Variants in TPM4 observed in about 807,000 individuals in gnomAD.
The protein encoded by TPM4 is tropomyosin alpha-4 chain.
A neutral mutation model predicts 35.8 loss-of-function variants in TPM4; 17 were observed. That is an observed-to-expected ratio of 0.47 (90% CI 0.32 to 0.71). The LOEUF (loss-of-function observed/expected upper bound fraction) is 0.71, where lower values mean the gene tolerates loss of function less well. TPM4 is among the 30% of genes least tolerant of loss of function. The probability of loss-of-function intolerance (pLI) is 0.03; values close to 1 mark genes in which losing one functional copy is unlikely to be tolerated. For missense variants in TPM4, 240 were observed against 320.9 expected (o/e 0.75, Z 1.93); for synonymous variants, 120 against 122.9 (o/e 0.98, Z 0.15).
chr19:16,095,635 C>G, intron 7 of TPM4: 26 of 997,776 alleles, frequency 2.6e-5, no homozygotes, highest in Non-Finnish European at 3.0e-5. Flanking sequence ...AAGCTTATTA[C>G]AAAAAGAAAA....
At chr19:16,095,746 A>T (rs1599383631) in intron 7 of TPM4, 3 of 307,316 alleles carry the variant, frequency 9.8e-6, no homozygotes, top group Admixed American at 6.5e-5. Context: ...CATGCCAATA[A>T]TTTTTTTTTG....
chr19:16,068,286 T>C (rs1370750318), intron 2 of TPM4, among the ~76,000 whole-genome samples: 1 of 152,096 alleles, frequency 6.6e-6, no homozygotes, highest in East Asian at 1.9e-4. Flanking sequence ...CAGGCGATTC[T>C]CCTGCCTCAG....
At chr19:16,071,308 C>A (rs1191762974) in intron 2 of TPM4, among the ~76,000 whole-genome samples, 6 of 152,192 alleles carry the variant, frequency 3.9e-5, no homozygotes, top group Non-Finnish European at 8.8e-5. Context: ...GCGATCCTCC[C>A]ACCTCAGCCT....
Position 16,096,936 on chromosome 19 carries a change from C to CTTTTTTTTTTTT in TPM4, c.664+3206_664+3217dup, listed in dbSNP as rs71178641. ...GGAATATGGAGAAAACAAGGTCACT[C>CTTTTTTTTTTTT]TTTTTTTTTTTTTTTTTTTTTTTTT... On this transcript the variant is annotated intron_variant, in intron 7 of 7. Transcript: ENST00000643579. Among the ~76,000 whole-genome samples, 8 of 69,052 alleles carry CTTTTTTTTTTTT rather than the reference C, an allele frequency of 1.2e-4. 1 individual carries two copies. Among genetic ancestry groups the CTTTTTTTTTTTT allele is most frequent in the African/African-American group, 2.8e-4 (5 of 18,024 alleles). 45.3% of individuals were successfully genotyped at this position (69,052 alleles called of 152,430 possible).
In TPM4 at chr19:16,078,228, T is replaced by TA. The variant is rs2090436714; in HGVS notation, c.132+1532dup. On this transcript the variant is annotated intron_variant, in intron 1 of 7. Transcript: ENST00000643579. ...CCAAAATGGAGGTTGAGCTGGGTCTTATAGAATAAATAAGTTTGCTGGGAC... is the reference window on the plus strand; with the variant it reads ...CCAAAATGGAGGTTGAGCTGGGTCTTAATAGAATAAATAAGTTTGCTGGGAC... The TA allele has an allele frequency of 7.5e-6, 3 of 398,310 alleles. No individual in the cohort carries two copies. In the East Asian group the frequency reaches 1.1e-4, roughly 14 times the overall value. 24.7% of individuals were successfully genotyped at this position (398,310 alleles called of 1,614,324 possible).
intron 2 of TPM4, among the ~76,000 whole-genome samples, chr19:16,084,027 C>T (rs372641065): frequency 6.6e-6 from 1 of 152,050 alleles, no homozygotes; most frequent in Non-Finnish European, 1.5e-5. Flanking sequence ...CCTGGGTTCA[C>T]GACATTCTCC....
At chr19:16,086,659 C>A in intron 3 of TPM4, 119 bp downstream of exon 3, 3 of 770,536 alleles carry the variant, frequency 3.9e-6, no homozygotes, top group Non-Finnish European at 6.4e-6. Flanking sequence ...TGTCCTCCTG[C>A]GTGAACATAT....
chr19:16,070,131 G>C lies in TPM4; in HGVS notation c.114+2393G>C, dbSNP rs1234692648. 6.6e-6 allele frequency among the ~76,000 whole-genome samples: 1 copy of C among 152,154 alleles called. No homozygotes were observed. Among genetic ancestry groups the C allele is most frequent in the Non-Finnish European group, 1.5e-5 (1 of 68,000 alleles). On this transcript the variant is annotated intron_variant, in intron 2 of 2. Coordinates refer to the TPM4 transcript ENST00000589897. The surrounding 1 kb of genome is among the most constrained non-coding windows in gnomAD (Gnocchi z 7.4). Reference sequence around the variant, plus strand: ...GTATGTGGGGGTGTCCCTGCTAAAAGCCTGGAGGCCGGGGCAGGTGGGCTG... The same window carrying C: ...GTATGTGGGGGTGTCCCTGCTAAAACCCTGGAGGCCGGGGCAGGTGGGCTG...
Position 16,070,836 on chromosome 19 carries a change from T to C in TPM4, c.114+3098T>C, listed in dbSNP as rs1420239502. On this transcript the variant is annotated intron_variant, in intron 2 of 2. Transcript: ENST00000589897. This position sits in a 1 kb window ranked among gnomAD's most constrained non-coding sequence, Gnocchi z 7.4. ...CACCCCAGTGTTCCCTGCCACAAGC[T>C]CTCTCCGCCTTCTCTGTGCCCCTCC... is the stretch of plus-strand genomic sequence containing the variant. 6.6e-6 allele frequency among the ~76,000 whole-genome samples: 1 copy of C among 150,612 alleles called. No homozygotes were observed. The highest frequency in any genetic ancestry group is 2.0e-4 in the East Asian group (1 of 5,074).
Position 16,081,944 on chromosome 19 carries a change from G to A in TPM4, c.164G>A (p.Arg55His), listed in dbSNP as rs747009494. ...AEGDVAALNR[R>H]IQLVEEELDR... Reference sequence around the variant, plus strand: ...GGTGATGTGGCCGCCCTCAACCGACGCATCCAGCTCGTTGAGGAGGAGTTG... The same window carrying A: ...GGTGATGTGGCCGCCCTCAACCGACACATCCAGCTCGTTGAGGAGGAGTTG... Residue 55 changes from arginine to histidine, a missense_variant, in exon 2 of 8, where the codon CGC becomes CAC. Transcript: ENST00000643579. 25 of 1,604,616 alleles carry A rather than the reference G, an allele frequency of 1.6e-5. No individual in the cohort carries two copies. Among genetic ancestry groups the A allele is most frequent in the Non-Finnish European group, 2.0e-5 (23 of 1,172,358 alleles).
rs189267893 is a variant in TPM4 at position 16,080,791 on chromosome 19, G to A, written c.133-1122G>A. ...GCCATTGCACTCCAGCCTTGGTGAC[G>A]GCGCAAGACTCCATCTCAAAAAAAA... On this transcript the variant is annotated intron_variant, in intron 1 of 7. Coordinates refer to ENST00000643579, the MANE Select transcript of TPM4 (RefSeq NM_003290.3). The A allele has an allele frequency of 1.2e-3, 416 of 345,682 alleles. 1 individual carries two copies. The highest frequency in any genetic ancestry group is 1.8e-3 in the Non-Finnish European group (341 of 192,452). The allele number at this position is 345,682 out of a possible 1,614,324, so 21.4% of individuals were successfully genotyped here. A position where few individuals can be genotyped will look rare whatever the true frequency, so the allele number is the denominator to read the frequency against.
At chr19:16,086,611 A>T in intron 3 of TPM4, 71 bp downstream of exon 3, 1 of 1,315,390 alleles carries the variant, frequency 7.6e-7, no homozygotes, top group Non-Finnish European at 1.1e-6. Flanking sequence ...TAGGGAGGAC[A>T]CCGGGGCCAA....
chr19:16,076,476 G>A (rs1047370676), upstream of TPM4: 10 of 1,333,128 alleles, frequency 7.5e-6, no homozygotes, highest in African/African-American at 6.2e-5. Flanking sequence ...GCAAAGGCTT[G>A]GGGGGCCGGG....
intron 2 of TPM4, 113 bp from the exon 3 acceptor site, chr19:16,086,310 A>G (rs1313391231): frequency 2.2e-6 from 2 of 928,446 alleles, no homozygotes; most frequent in Non-Finnish European, 3.4e-6. Context: ...AGATCGTGCC[A>G]CTGCACTCCA....
chr19:16,094,387 T>A (rs1181590085), intron 7 of TPM4, among the ~76,000 whole-genome samples: 1 of 151,540 alleles, frequency 6.6e-6, no homozygotes, highest in East Asian at 1.9e-4. Flanking sequence ...TAGAAAAAAT[T>A]AGCCAGGCGT....
chr19:16,087,671 A>G (rs1434413471), intron 3 of TPM4, among the ~76,000 whole-genome samples: 3 of 152,316 alleles, frequency 2.0e-5, no homozygotes, highest in South Asian at 4.1e-4. Context: ...TCAGGAGGTC[A>G]GGAATTCGAG....
chr19:16,068,581 T>C (rs2090321351), intron 2 of TPM4, among the ~76,000 whole-genome samples: 2 of 152,188 alleles, frequency 1.3e-5, no homozygotes, highest in African/African-American at 2.4e-5. Flanking sequence ...TGTACATGTA[T>C]TGTGTATGTT....
In TPM4 at chr19:16,067,945, A is replaced by G. The variant is rs764040508; in HGVS notation, c.114+207A>G. On this transcript the variant is annotated intron_variant, in intron 2 of 2. Coordinates refer to the TPM4 transcript ENST00000589897. The surrounding 1 kb of genome is among the most constrained non-coding windows in gnomAD (Gnocchi z 4.1). ...GGTGACGATCGGACCCACCCCCAGC[A>G]GGGCCAGTGCGAACAAAGTGAGTTT... 1.3e-5 allele frequency: 7 copies of G among 524,686 alleles called. No individual in the cohort carries two copies. The highest frequency in any genetic ancestry group is 2.0e-5 in the Non-Finnish European group (6 of 300,398). The allele number at this position is 524,686 out of a possible 1,614,324, so 32.5% of individuals were successfully genotyped here.
chr19:16,084,300 C>T (rs1241466239), intron 2 of TPM4, among the ~76,000 whole-genome samples: 1 of 152,232 alleles, frequency 6.6e-6, no homozygotes, highest in African/African-American at 2.4e-5. Context: ...GTCACCCAAG[C>T]TGGAAATTTC....
Sources: gnomAD v4.1 joint callset for allele counts (sites outside exome capture counted in the v4.1 genomes callset) on GRCh38, gnomAD v4.1.1 for gene constraint, Gnocchi (gnomAD v3.1) non-coding constraint, MANE v1.5 for transcripts, NCBI Gene and HGNC (gene_info 2026-07-23, HGNC 2026-07-21) for gene names.